WWOX: variants seen among roughly 807,000 people sequenced by gnomAD.
WWOX encodes the protein WW domain-containing oxidoreductase.
A neutral mutation model predicts 46.2 loss-of-function variants in WWOX; 69 were observed. The ratio of observed to expected loss-of-function variants is 1.49; its 90% confidence interval spans 1.23 to 1.82. The LOEUF is 1.82. Among genes scored for constraint, WWOX ranks in the 40% most tolerant of loss-of-function variants. The probability of loss-of-function intolerance (pLI) is 0.00; values close to 1 mark genes in which losing one functional copy is unlikely to be tolerated. For missense variants in WWOX, 919 were observed against 542.6 expected (o/e 1.69, Z -6.89); for synonymous variants, 359 against 202.6 (o/e 1.77, Z -6.56).
chr16:78,939,467 G>T (rs971329846), intron 8 of WWOX, among the ~76,000 whole-genome samples: 1 of 152,168 alleles, frequency 6.6e-6, no homozygotes, highest in African/African-American at 2.4e-5. Flanking sequence ...TTTAAGGGTG[G>T]ACTTAATTTT....
intron 4 of WWOX, among the ~76,000 whole-genome samples, chr16:78,159,678 T>C (rs2034722661): frequency 7.1e-6 from 1 of 141,620 alleles, no homozygotes; most frequent in Admixed American, 6.9e-5. Context: ...TGTGGTTTTT[T>C]TTTTTTTTTT....
chr16:79,035,351 T>C (rs1231503419), intron 8 of WWOX, among the ~76,000 whole-genome samples: 1 of 152,114 alleles, frequency 6.6e-6, no homozygotes, highest in African/African-American at 2.4e-5. Context: ...CTGTCTAGAA[T>C]ATTGTACCAA....
At chr16:78,945,223 T>A (rs893639618) in intron 8 of WWOX, among the ~76,000 whole-genome samples, 1 of 152,112 alleles carries the variant, frequency 6.6e-6, no homozygotes, top group East Asian at 1.9e-4. Context: ...TGCCTGTATA[T>A]GTAGAACAAA....
At chr16:79,093,273 G>A (rs1273793053) in intron 8 of WWOX, among the ~76,000 whole-genome samples, 2 of 152,174 alleles carry the variant, frequency 1.3e-5, no homozygotes, top group African/African-American at 4.8e-5. Context: ...AAGATACACA[G>A]AAACACTAAA....
intron 8 of WWOX, among the ~76,000 whole-genome samples, chr16:78,977,623 G>T (rs1275739592): frequency 6.6e-6 from 1 of 151,864 alleles, no homozygotes; most frequent in Non-Finnish European, 1.5e-5. Context: ...AGAGGAGATA[G>T]AAGAAGGAAA....
chr16:78,382,684 C>T (rs1417074858), intron 5 of WWOX, among the ~76,000 whole-genome samples: 1 of 152,144 alleles, frequency 6.6e-6, no homozygotes, highest in Non-Finnish European at 1.5e-5. Context: ...TGTGCTAATT[C>T]TAACACTTCT....
intron 6 of WWOX, among the ~76,000 whole-genome samples, chr16:78,400,198 T>C (rs1441892178): frequency 6.6e-6 from 1 of 152,136 alleles, no homozygotes; most frequent in Non-Finnish European, 1.5e-5. Flanking sequence ...TTTGAGCTGA[T>C]ATTATGCAAT....
chr16:78,923,564 C>G (rs534720345), intron 8 of WWOX, among the ~76,000 whole-genome samples: 13 of 152,086 alleles, frequency 8.5e-5, no homozygotes, highest in Admixed American at 6.5e-5. Context: ...TATAAATTTT[C>G]CATTCATAGT....
At position 78,343,393 on chromosome 16, in the gene WWOX, A is replaced by G. The variant is rs1409000527; in HGVS notation, c.517-43467A>G. Among the ~76,000 whole-genome samples the G allele has an allele frequency of 4.1e-5, 5 of 120,796 alleles. 1 individual carries two copies. The highest frequency in any genetic ancestry group is 1.4e-4 in the African/African-American group (5 of 35,572). The allele number at this position is 120,796 out of a possible 152,430, so 79.2% of individuals were successfully genotyped here. On this transcript the variant is annotated intron_variant, in intron 5 of 8. Transcript: ENST00000566780. ...TCATTTTTCTCATGCTTCCATTTCC[A>G]TATTCTCAATCAATCACTGATGGCC...
At chr16:78,522,682 G>A (rs533327528) in intron 8 of WWOX, among the ~76,000 whole-genome samples, 1 of 152,348 alleles carries the variant, frequency 6.6e-6, no homozygotes, top group South Asian at 2.1e-4. Context: ...AGATGCTCTT[G>A]CTAGCTTTGG....
intron 5 of WWOX, among the ~76,000 whole-genome samples, chr16:78,300,104 C>G (rs974829066): frequency 5.3e-5 from 8 of 152,110 alleles, no homozygotes; most frequent in Non-Finnish European, 2.9e-5. Context: ...TAAGACATAG[C>G]TTGATTTTTT....
intron 8 of WWOX, among the ~76,000 whole-genome samples, chr16:78,485,903 G>A (rs761179358): frequency 6.6e-6 from 1 of 152,232 alleles, no homozygotes; most frequent in Non-Finnish European, 1.5e-5. Flanking sequence ...TAAAGGGCAA[G>A]CCAGGAAGCT....
intron 8 of WWOX, among the ~76,000 whole-genome samples, chr16:79,111,249 A>ACAGGT (rs1420985340): frequency 2.0e-4 from 30 of 152,236 alleles, no homozygotes; most frequent in Non-Finnish European, 2.9e-5. Flanking sequence ...TCAGGCACTG[A>ACAGGT]GACCCGGGAC....
At chr16:78,445,281 A>T (rs144238561) in intron 8 of WWOX, among the ~76,000 whole-genome samples, 186 of 152,316 alleles carry the variant, frequency 1.2e-3, no homozygotes, top group African/African-American at 4.3e-3. Context: ...TAAAGGGGGA[A>T]TATGTTCTAG....
chr16:78,786,300 A>G (rs778072085), intron 8 of WWOX, among the ~76,000 whole-genome samples: 4 of 152,334 alleles, frequency 2.6e-5, no homozygotes, highest in Middle Eastern at 3.4e-3. Flanking sequence ...GTCTATTTCC[A>G]TGGTGTAAAT....
chr16:78,821,918 T>C (rs1032830295), intron 8 of WWOX, among the ~76,000 whole-genome samples: 6 of 152,194 alleles, frequency 3.9e-5, no homozygotes, highest in Non-Finnish European at 5.9e-5. Context: ...CTCACTGTGT[T>C]GCTCAGGCTA....
intron 8 of WWOX, among the ~76,000 whole-genome samples, chr16:78,788,527 GC>G: frequency 6.6e-6 from 1 of 152,232 alleles, no homozygotes; most frequent in Non-Finnish European, 1.5e-5. Flanking sequence ...GGGTTTGGGA[GC>G]TTCCAGATAG....
chr16:78,889,493 G>C (rs2151225775), intron 8 of WWOX, among the ~76,000 whole-genome samples: 1 of 152,108 alleles, frequency 6.6e-6, no homozygotes, highest in African/African-American at 2.4e-5. Context: ...ATGCTAGACT[G>C]TTGCAGCTTC....
chr16:78,561,400 A>AGAAACTCTCT (rs1420484845), intron 8 of WWOX, among the ~76,000 whole-genome samples: 4 of 152,240 alleles, frequency 2.6e-5, no homozygotes, highest in East Asian at 1.9e-4. Context: ...TCAAGGGCTC[A>AGAAACTCTCT]CGTGATGAGG....
Sources: allele counts gnomAD v4.1 joint callset (sites outside exome capture counted in the v4.1 genomes callset), GRCh38; gene constraint gnomAD v4.1.1; transcripts MANE v1.5; gene names NCBI Gene and HGNC (gene_info 2026-07-23, HGNC 2026-07-21).